The following LYST variants were observed in gnomAD, a reference collection of about 807,000 sequenced individuals.
LYST encodes the protein lysosomal-trafficking regulator.
In LYST, 192 loss-of-function variants were observed where a neutral mutation model predicts 413.6. The ratio of observed to expected loss-of-function variants is 0.46; its 90% confidence interval spans 0.41 to 0.52. LYST has a LOEUF of 0.52. LYST is among the 20% of genes least tolerant of loss of function. LYST has a pLI of 0.00. For synonymous variants in LYST, 1,525 were observed against 1,567.3 expected (o/e 0.97, Z 0.64); for missense variants, 3,815 against 4,499.9 (o/e 0.85, Z 4.35).
intron 45 of LYST, among the ~76,000 whole-genome samples, chr1:235,699,803 T>G (rs555627917): frequency 6.6e-6 from 1 of 152,312 alleles, no homozygotes; most frequent in African/African-American, 2.4e-5. Context: ...TCCTTGTGGT[T>G]TTGATTTGCA....
rs769714211 is a variant in LYST, at chr1:235,744,056, G to T, written c.8074C>A (p.His2692Asn). ...GGATTGAAAACAGAAGACTGTTCAT[G>T]ATGAATATTTTCCTCAGAAATTTCG... ...QTEISEENIH[H>N]EQSSVFNPFQ... Residue 2692 changes from histidine to asparagine, a missense_variant, in exon 30 of 53, where the codon CAT (histidine) becomes AAT (asparagine). This residue lies in a region of LYST where 771 missense variants were observed against 837.1 expected (regional missense o/e 0.92). Coordinates refer to ENST00000389793, the MANE Select transcript of LYST (RefSeq NM_000081.4). The T allele has an allele frequency of 3.2e-6, 5 of 1,583,566 alleles. No homozygotes were observed. The African/African-American group carries it at 6.7e-5, about 21-fold the overall frequency.
intron 1 of LYST, among the ~76,000 whole-genome samples, chr1:235,863,460 TAA>T (rs577675111): frequency 2.2e-5 from 3 of 135,146 alleles, no homozygotes; most frequent in Non-Finnish European, 3.2e-5. Context: ...TGACTCTGTC[TAA>T]AAAAAAAAAA....
chr1:235,745,819 C>A (rs1244535014), intron 29 of LYST, among the ~76,000 whole-genome samples: 1 of 152,140 alleles, frequency 6.6e-6, no homozygotes, highest in Non-Finnish European at 1.5e-5. Context: ...ATTTATATAA[C>A]ATTCTTGATG....
Position 235,809,310 on chromosome 1 carries a change from C to T in LYST, c.1508G>A (p.Arg503Gln), listed in dbSNP as rs764492828. Reference protein sequence around the residue: ...HSMCTRKRHRRCEYSHFMHHH... With the variant: ...HSMCTRKRHRQCEYSHFMHHH... ...ATGCATAAAATGAGAATATTCACAT[C>T]GTCTGTGCCTTTTTCTTGTACACAT... Residue 503 changes from arginine (R) to glutamine (Q), a missense_variant, in exon 5 of 53, where the codon CGA becomes CAA. By Grantham distance (43) the Arg-to-Gln change is conservative. Transcript: ENST00000389793. This position sits in a 1 kb window ranked among gnomAD's most constrained non-coding sequence, Gnocchi z 4.0. 8.7e-6 allele frequency: 14 copies of T among 1,613,956 alleles called. No individual in the cohort carries two copies. The highest frequency in any genetic ancestry group is 1.7e-5 in the Admixed American group (1 of 59,984).
At chr1:235,726,452 A>G (rs1663879675) in intron 38 of LYST, among the ~76,000 whole-genome samples, 1 of 152,208 alleles carries the variant, frequency 6.6e-6, no homozygotes, top group South Asian at 2.1e-4. Context: ...ATATTAATTA[A>G]CATCTATGCG....
chr1:235,874,238 A>C (rs201037421), intron 1 of LYST, among the ~76,000 whole-genome samples: 1 of 152,362 alleles, frequency 6.6e-6, no homozygotes, highest in East Asian at 1.9e-4. Flanking sequence ...AATCCACTAC[A>C]GTAGTAAGAT....
intron 45 of LYST, among the ~76,000 whole-genome samples, chr1:235,701,359 G>A (rs1365553661): frequency 6.6e-6 from 1 of 152,194 alleles, no homozygotes; most frequent in Non-Finnish European, 1.5e-5. Context: ...GCTGGGTGTG[G>A]TGGCTCGCAT....
At chr1:235,680,427 A>T (rs1396830320) in intron 48 of LYST, among the ~76,000 whole-genome samples, 4 of 149,540 alleles carry the variant, frequency 2.7e-5, no homozygotes, top group Non-Finnish European at 5.9e-5. Flanking sequence ...ACTACTTTTT[A>T]AATTTTTTTT....
At position 235,806,260 on chromosome 1, in the gene LYST, T is replaced by C. The variant is rs768961881; in HGVS notation, c.2876A>G (p.Gln959Arg). ...LVLPSPEHMHQAADIWSMCRW... is the reference protein window; with the variant it reads ...LVLPSPEHMHRAADIWSMCRW... ...ACACATAGACCAAATGTCTGCTGCT[T>C]GGTGCATATGTTCAGGAGAAGGCAA... is the stretch of plus-strand genomic sequence containing the variant. The change falls in exon 6 of 53, where the codon CAA becomes CGA. Residue 959 changes from glutamine to arginine, a missense_variant. Gln to Arg is a conservative substitution (Grantham distance 43). This residue lies in a region of LYST where 1,648 missense variants were observed against 1,810.3 expected (regional missense o/e 0.91). Transcript: ENST00000389793. 1.1e-5 allele frequency: 17 copies of C among 1,613,866 alleles called. 1 individual carries two copies. Among genetic ancestry groups the C allele is most frequent in the Middle Eastern group, 3.3e-4 (2 of 6,084 alleles).
rs1572335678 is a variant in LYST, at chr1:235,808,778, G to A, written c.2040C>T (p.Ser680=). The change falls in exon 5 of 53, where the codon AGC becomes AGT. Residue 680 remains serine, a synonymous_variant. Transcript: ENST00000389793. The part of the protein sequence containing the change: ...PSYRFQGILP[S]SGSEDLLWKW... The stretch of plus-strand genomic sequence containing the variant: ...TCCACAACAAATCTTCAGATCCACT[G>A]CTGGGCAGGATCCCTTGAAATCTGT... 1 of 1,613,938 alleles carries A rather than the reference G, an allele frequency of 6.2e-7. No homozygotes were observed. The highest frequency in any genetic ancestry group is 8.5e-7 in the Non-Finnish European group (1 of 1,179,936).
chr1:235,839,620 C>T (rs369380517), intron 1 of LYST: 1 of 150,796 alleles, frequency 6.6e-6, no homozygotes, highest in South Asian at 2.1e-4. Flanking sequence ...ACGGAGAACC[C>T]CCCCCACCAC....
intron 31 of LYST, chr1:235,737,930 T>G (rs1157673546): frequency 2.8e-5 from 33 of 1,180,416 alleles, no homozygotes; most frequent in Non-Finnish European, 3.5e-5. Flanking sequence ...TGGATCTCAC[T>G]GCCGCGTGCC....
Position 235,724,114 on chromosome 1 carries a change from T to G in LYST, c.9229A>C (p.Lys3077Gln), listed in dbSNP as rs1663633701. 1 of 1,613,522 alleles carries G rather than the reference T, an allele frequency of 6.2e-7. No individual in the cohort carries two copies. Among genetic ancestry groups the G allele is most frequent in the African/African-American group, 1.3e-5 (1 of 74,910 alleles). Residue 3077 changes from lysine (K) to glutamine (Q), a missense_variant, in exon 39 of 53, where the codon AAG becomes CAG. Lys to Gln is a moderately conservative substitution (Grantham distance 53, BLOSUM62 1). Around this residue, in one of 4 missense-constraint regions of LYST, gnomAD observed 866 missense variants for 1,156.0 expected, o/e 0.75. Transcript: ENST00000389793. Reference sequence around the variant, plus strand: ...TTATCTCTCAATTGCCACCAACGCTTGTGAACTTCTTTAATTTCTTCATAT... The same window carrying G: ...TTATCTCTCAATTGCCACCAACGCTGGTGAACTTCTTTAATTTCTTCATAT... ...WTYEEIKEVH[K>Q]RWWQLRDNAV...
rs1659477373 is a variant in LYST, at chr1:235,677,522, C to T, written c.10898G>A (p.Ser3633Asn). ...GATGCAGGTTCCGTCTCTGCTCACA[C>T]TTATCAGTATACTGTATGGTTTGCA... ...FVCKPYSILI[S>N]VSRDGTCIIW... is the part of the protein sequence containing the mutation. Residue 3633 changes from serine to asparagine, a missense_variant, in exon 49 of 53, where the codon AGT becomes AAT. Around this residue, in one of 4 missense-constraint regions of LYST, gnomAD observed 866 missense variants for 1,156.0 expected, o/e 0.75. Transcript: ENST00000389793. 1 of 1,613,704 alleles carries T rather than the reference C, an allele frequency of 6.2e-7. No individual in the cohort carries two copies. Among genetic ancestry groups the T allele is most frequent in the Non-Finnish European group, 8.5e-7 (1 of 1,179,724 alleles).
intron 20 of LYST, among the ~76,000 whole-genome samples, chr1:235,766,826 T>C (rs991162534): frequency 2.6e-5 from 4 of 152,130 alleles, no homozygotes; most frequent in African/African-American, 9.6e-5. Context: ...TTACTACTAC[T>C]ACTATTAGTA....
Position 235,830,356 on chromosome 1 carries a change from T to C in LYST, c.62A>G (p.Asn21Ser), listed in dbSNP as rs1256066587. 5 of 1,613,934 alleles carry C rather than the reference T, an allele frequency of 3.1e-6. No individual in the cohort carries two copies. Among genetic ancestry groups the C allele is most frequent in the Non-Finnish European group, 4.2e-6 (5 of 1,179,926 alleles). The stretch of plus-strand genomic sequence containing the variant: ...GGCCTCCACCCTCTGGACCACTGCA[T>C]TGCAAAGCCGGTTGACATCGGTCAG... ...EFLTDVNRLC[N>S]AVVQRVEARE... The change falls in exon 3 of 53, where the codon AAT becomes AGT. Residue 21 changes from asparagine (N) to serine (S), a missense_variant. Transcript: ENST00000389793.
intron 47 of LYST, among the ~76,000 whole-genome samples, chr1:235,689,682 G>C (rs941788614): frequency 2.0e-5 from 3 of 152,164 alleles, no homozygotes; most frequent in Non-Finnish European, 4.4e-5. Flanking sequence ...TGCTAACTAT[G>C]TGAGGTGACG....
At chr1:235,826,771 C>T (rs1472348029) in intron 3 of LYST, among the ~76,000 whole-genome samples, 1 of 152,120 alleles carries the variant, frequency 6.6e-6, no homozygotes, top group Non-Finnish European at 1.5e-5. Flanking sequence ...GCCTTGATTT[C>T]CCCAGGCTCA....
At chr1:235,838,131 A>G (rs1373942187) in intron 1 of LYST, among the ~76,000 whole-genome samples, 1 of 152,158 alleles carries the variant, frequency 6.6e-6, no homozygotes, top group Non-Finnish European at 1.5e-5. Context: ...AATTTTTTTC[A>G]GGTGCTTCTA....
Sources: allele counts gnomAD v4.1 joint callset (sites outside exome capture counted in the v4.1 genomes callset), GRCh38; gene constraint gnomAD v4.1.1; regional missense constraint gnomAD v4.1.1; non-coding constraint Gnocchi (gnomAD v3.1); transcripts MANE v1.5; gene names NCBI Gene and HGNC (gene_info 2026-07-23, HGNC 2026-07-21).